The following IQCE variants were observed in gnomAD, a reference collection of about 807,000 sequenced individuals.
IQCE encodes the protein IQ domain-containing protein E.
Under a neutral mutation model 96.0 loss-of-function variants are expected in IQCE, and 115 were observed. That is an observed-to-expected ratio of 1.20 (90% CI 1.03 to 1.40). IQCE has a LOEUF of 1.40. IQCE is among the 40% of genes most tolerant of loss of function. The pLI, the probability that IQCE is intolerant of heterozygous loss-of-function variation, is 0.00. For missense variants in IQCE, 1,041 were observed against 909.1 expected, an observed-to-expected ratio of 1.15 and a Z score of -1.87; for synonymous variants, 412 against 371.2, an observed-to-expected ratio of 1.11 and a Z score of -1.26.
chr7:2,600,545 C>G (rs1784364544), intron 17 of IQCE, among the ~76,000 whole-genome samples: 1 of 152,224 alleles, frequency 6.6e-6, no homozygotes, highest in Admixed American at 6.5e-5. Context: ...GGGGCCAACT[C>G]CTCGTCCTCC....
chr7:2,592,992 C>A, intron 14 of IQCE, 30 bp from the exon 15 acceptor site: 1 of 1,567,772 alleles, frequency 6.4e-7, no homozygotes, highest in Admixed American at 1.7e-5. Flanking sequence ...TTTTTGTGAA[C>A]GCTGACGAGT....
At chr7:2,585,759 A>T (rs545617320) in intron 11 of IQCE, among the ~76,000 whole-genome samples, 21 of 152,230 alleles carry the variant, frequency 1.4e-4, no homozygotes, top group Non-Finnish European at 2.6e-4. Context: ...CAAAACCTGC[A>T]TGAGTATTGA....
At chr7:2,565,253 A>C (rs1157406999) in intron 1 of IQCE, among the ~76,000 whole-genome samples, 1 of 140,390 alleles carries the variant, frequency 7.1e-6, no homozygotes, top group Non-Finnish European at 1.5e-5. Context: ...GTGTGTGTGC[A>C]TGCGTGTGTG....
rs1422877711 is a variant in IQCE at position 2,614,604 on chromosome 7, T to C, written c.*4442T>C. On this transcript the variant is annotated 3_prime_UTR_variant, in exon 22 of 22. Transcript: ENST00000402050. ...CCGCTGGTCTTTGGCATTTTGTATT[T>C]AGAATTATTCTAACTTTATACATAA... 6.6e-6 allele frequency: 1 copy of C among 152,256 alleles called. No homozygotes were observed. The highest frequency in any genetic ancestry group is 1.5e-5 in the Non-Finnish European group (1 of 68,040). 9.4% of individuals were successfully genotyped at this position (152,256 alleles called of 1,614,324 possible).
intron 21 of IQCE, among the ~76,000 whole-genome samples, chr7:2,607,948 T>C (rs1482643555): frequency 6.6e-6 from 1 of 152,154 alleles, no homozygotes; most frequent in Non-Finnish European, 1.5e-5. Flanking sequence ...CGTGCGGGGC[T>C]GTTTCACGTG....
In IQCE at chr7:2,607,182, A is replaced by G. The variant is rs776405741; in HGVS notation, c.1924A>G (p.Thr642Ala). The change falls in exon 21 of 22, where the codon ACA becomes GCA. Residue 642 changes from threonine to alanine, a missense_variant. Thr to Ala is a moderately conservative substitution (Grantham distance 58). Coordinates refer to ENST00000402050, the MANE Select transcript of IQCE (RefSeq NM_152558.5). ...TACCAGGAGGAGATCGGCTTCAGCC[A>G]CACACGGGGACGCCTCCTCCCCACC... ...ASTRRRSASA[T>A]HGDASSPPFL... 2.5e-6 allele frequency: 4 copies of G among 1,613,358 alleles called. No individual in the cohort carries two copies. In the African/African-American group the frequency reaches 5.3e-5, roughly 22 times the overall value.
intron 1 of IQCE, among the ~76,000 whole-genome samples, chr7:2,559,776 G>C (rs903818361): frequency 3.0e-5 from 4 of 131,420 alleles, no homozygotes; most frequent in East Asian, 5.0e-4. Context: ...GGGGGGGGGG[G>C]GGGGGGCGGA....
chr7:2,603,405 C>T (rs958356815), intron 18 of IQCE, among the ~76,000 whole-genome samples: 9 of 152,178 alleles, frequency 5.9e-5, no homozygotes, highest in African/African-American at 1.7e-4. Flanking sequence ...CTCCAGTGAG[C>T]GGGTGAGGGG....
chr7:2,595,139 A>T (rs1783923607), intron 16 of IQCE, among the ~76,000 whole-genome samples, 163 bp downstream of exon 16: 1 of 152,232 alleles, frequency 6.6e-6, no homozygotes, highest in South Asian at 2.1e-4. Flanking sequence ...GTGTGTATCG[A>T]AGTCCGGGTT....
chr7:2,574,614 G>C (rs558238323), intron 6 of IQCE, among the ~76,000 whole-genome samples: 2 of 152,174 alleles, frequency 1.3e-5, no homozygotes, highest in Non-Finnish European at 2.9e-5. Context: ...GTGTGGATTG[G>C]GGGGATTATC....
intron 1 of IQCE, among the ~76,000 whole-genome samples, chr7:2,559,886 G>A (rs1251177294): frequency 6.6e-6 from 1 of 152,100 alleles, no homozygotes; most frequent in African/African-American, 2.4e-5. Flanking sequence ...CGTGGCTCAG[G>A]CCGGTAGTCC....
At chr7:2,579,084 C>T (rs1782448496) in intron 8 of IQCE, among the ~76,000 whole-genome samples, 1 of 150,928 alleles carries the variant, frequency 6.6e-6, no homozygotes, top group Non-Finnish European at 1.5e-5. Context: ...ATCAGGGAAC[C>T]AGGGCAGCAA....
intron 14 of IQCE, among the ~76,000 whole-genome samples, chr7:2,592,134 G>T (rs1209784899): frequency 5.3e-5 from 8 of 152,216 alleles, no homozygotes; most frequent in Non-Finnish European, 7.3e-5. Context: ...AACTTGGCCG[G>T]TGCCTCCCGG....
At chr7:2,563,893 CAAAAAA>C (rs34269895) in intron 1 of IQCE, among the ~76,000 whole-genome samples, 5 of 59,972 alleles carry the variant, frequency 8.3e-5, no homozygotes, top group African/African-American at 3.5e-4. Context: ...GACTCCATCT[CAAAAAA>C]AAAAAAAAAA....
In IQCE at chr7:2,605,000, G is replaced by A. The variant is rs749305110; in HGVS notation, c.1743+9G>A. The A allele has an allele frequency of 8.8e-6, 14 of 1,596,122 alleles. No homozygotes were observed. The highest frequency in any genetic ancestry group is 8.3e-5 in the Admixed American group (5 of 59,904). On this transcript the variant is annotated intron_variant, in intron 19 of 21. Transcript: ENST00000402050. ...CAGGCCTCCCAGACCAGGTAATGTC[G>A]GGGTGCTGGACGTCCCAGTGGCCAT...
chr7:2,614,360 G>T lies in IQCE; in HGVS notation c.*4198G>T, dbSNP rs1785215715. ...TGGCTCGGATTCTCTGAGGACCAGGGAGTTGACACACAAACCCCGCCATGG... is the reference window on the plus strand; with the variant it reads ...TGGCTCGGATTCTCTGAGGACCAGGTAGTTGACACACAAACCCCGCCATGG... On this transcript the variant is annotated 3_prime_UTR_variant, in exon 22 of 22. Coordinates refer to ENST00000402050, the MANE Select transcript of IQCE (RefSeq NM_152558.5). The T allele has an allele frequency of 1.3e-5, 2 of 152,234 alleles. No individual in the cohort carries two copies. Among genetic ancestry groups the T allele is most frequent in the African/African-American group, 4.8e-5 (2 of 41,462 alleles). The allele number at this position is 152,234 out of a possible 1,614,324, so 9.4% of individuals were successfully genotyped here.
chr7:2,599,105 G>A (rs1280491560), intron 17 of IQCE, among the ~76,000 whole-genome samples: 7 of 152,212 alleles, frequency 4.6e-5, no homozygotes, highest in Admixed American at 6.5e-5. Context: ...TCCCATCGGA[G>A]CCTGGGGGTC....
intron 19 of IQCE, among the ~76,000 whole-genome samples, chr7:2,605,346 C>T (rs1328801436): frequency 2.6e-5 from 4 of 152,182 alleles, no homozygotes; most frequent in African/African-American, 2.4e-5. Flanking sequence ...GTAGGCCGGG[C>T]GCGGTGGCTC....
chr7:2,596,048 G>A (rs1277449209), intron 16 of IQCE, among the ~76,000 whole-genome samples: 2 of 152,214 alleles, frequency 1.3e-5, no homozygotes, highest in Non-Finnish European at 2.9e-5. Flanking sequence ...ATGTTCAGAC[G>A]AAAAGCAAGG....
Sources: allele counts gnomAD v4.1 joint callset (sites outside exome capture counted in the v4.1 genomes callset), GRCh38; gene constraint gnomAD v4.1.1; transcripts MANE v1.5; gene names NCBI Gene and HGNC (gene_info 2026-07-23, HGNC 2026-07-21).